The following CTBP2 variants were observed in gnomAD, a reference collection of about 807,000 sequenced individuals.
CTBP2 encodes the protein C-terminal-binding protein 2.
CTBP2 carries 30 observed loss-of-function variants against 80.3 expected under a neutral mutation model. The observed-to-expected ratio is 0.37, with a 90% CI of 0.28 to 0.51. The LOEUF is 0.51. Ranked by LOEUF, CTBP2 falls within the 20% of genes least tolerant of loss-of-function variation. The pLI, the probability that CTBP2 is intolerant of heterozygous loss-of-function variation, is 0.93. For synonymous variants in CTBP2, 594 were observed against 587.4 expected, an observed-to-expected ratio of 1.01 and a Z score of -0.16; for missense variants, 1,212 against 1,375.3, an observed-to-expected ratio of 0.88 and a Z score of 1.88.
intron 2 of CTBP2, among the ~76,000 whole-genome samples, chr10:125,078,296 A>AAC (rs1846609572): frequency 6.6e-6 from 1 of 151,926 alleles, no homozygotes. Flanking sequence ...AAAAAAAAAA[A>AAC]AAAACCTTTC....
chr10:125,032,708 T>A (rs1422204720), upstream of CTBP2: 1 of 154,750 alleles, frequency 6.5e-6, no homozygotes, highest in Non-Finnish European at 1.5e-5. Context: ...ACACCCGGGC[T>A]GTAAATCAAA....
intron 2 of CTBP2, among the ~76,000 whole-genome samples, chr10:125,108,342 G>A (rs1310941667): frequency 1.3e-5 from 2 of 152,172 alleles, no homozygotes; most frequent in African/African-American, 4.8e-5. Flanking sequence ...TACTAAGAGG[G>A]CAAAAACGAT....
Position 124,987,116 on chromosome 10 carries a change from A to G in CTBP2, c.*2402T>C, listed in dbSNP as rs932940142. The G allele has an allele frequency of 1.3e-5, 2 of 152,638 alleles. No individual in the cohort carries two copies. The highest frequency in any genetic ancestry group is 3.8e-4 in the East Asian group (2 of 5,202). 9.5% of individuals were successfully genotyped at this position (152,638 alleles called of 1,614,324 possible). On this transcript the variant is annotated 3_prime_UTR_variant, in exon 9 of 9. Coordinates refer to ENST00000309035, the MANE Select transcript of CTBP2 (RefSeq NM_022802.3). The stretch of plus-strand genomic sequence containing the variant: ...AAATGGTTTTCATAGACTGGCTGTT[A>G]AAGGCCAAAAATTTTGGTAAATCAA...
At chr10:125,098,708 C>A (rs1152681) in intron 2 of CTBP2, among the ~76,000 whole-genome samples, 3 of 65,698 alleles carry the variant, frequency 4.6e-5, no homozygotes, top group Admixed American at 1.8e-4. Context: ...GAGAGAGAGA[C>A]AGAGAGAGAG....
At chr10:125,049,375 C>T (rs1564799181) in intron 2 of CTBP2, among the ~76,000 whole-genome samples, 3 of 152,216 alleles carry the variant, frequency 2.0e-5, no homozygotes, top group Admixed American at 6.5e-5. Flanking sequence ...CCTGATTTGG[C>T]AGAGGATGCC....
Position 125,003,122 on chromosome 10 carries a change from A to G in CTBP2, c.1834-18T>C. ...TTTAGAACCTGCGTGGGAACAGAGC[A>G]CAGGGTCGGAGCCCCACCCCGTGCA... On this transcript the variant is annotated intron_variant, in intron 2 of 8. Coordinates refer to ENST00000309035, the MANE Select transcript of CTBP2 (RefSeq NM_022802.3). The G allele has an allele frequency of 1.9e-6, 3 of 1,613,602 alleles. No individual in the cohort carries two copies. Among genetic ancestry groups the G allele is most frequent in the Non-Finnish European group, 2.5e-6 (3 of 1,179,912 alleles).
chr10:125,057,523 T>G (rs1305163397), intron 2 of CTBP2, among the ~76,000 whole-genome samples: 1 of 152,216 alleles, frequency 6.6e-6, no homozygotes, highest in Non-Finnish European at 1.5e-5. Context: ...TCCCCCCGAC[T>G]GAGTCTTTTG....
chr10:125,030,024 C>G (rs1161690597), upstream of CTBP2, among the ~76,000 whole-genome samples: 1 of 152,076 alleles, frequency 6.6e-6, no homozygotes, highest in Admixed American at 6.6e-5. Flanking sequence ...GCTTGGAAAC[C>G]ACCCAAACTC....
chr10:125,098,776 GAGAC>G (rs1850150176), intron 2 of CTBP2, among the ~76,000 whole-genome samples: 4 of 146,130 alleles, frequency 2.7e-5, no homozygotes, highest in African/African-American at 7.7e-5. Context: ...GAGAGAGAGA[GAGAC>G]AGAGAGAGAG....
intron 2 of CTBP2, among the ~76,000 whole-genome samples, chr10:125,059,477 G>C (rs1173037205): frequency 1.3e-5 from 2 of 152,112 alleles, no homozygotes; most frequent in Non-Finnish European, 2.9e-5. Context: ...AGCTACTCGG[G>C]AGGCTGAAGC....
At chr10:125,107,863 TACC>T (rs1388140141) in intron 2 of CTBP2, among the ~76,000 whole-genome samples, 8 of 152,254 alleles carry the variant, frequency 5.3e-5, no homozygotes, top group Non-Finnish European at 1.2e-4. Flanking sequence ...GCAACTATTC[TACC>T]ACCATTTTAC....
intron 2 of CTBP2, among the ~76,000 whole-genome samples, chr10:125,059,270 C>T (rs751056354): frequency 2.0e-5 from 3 of 152,118 alleles, no homozygotes; most frequent in Non-Finnish European, 2.9e-5. Context: ...GTAAGACATA[C>T]GCAATTTCAC....
At chr10:124,992,955 A>T (rs1952901300) in intron 7 of CTBP2, 143 bp from the exon 10 acceptor site, 4 of 833,110 alleles carry the variant, frequency 4.8e-6, no homozygotes, top group Non-Finnish European at 7.4e-6. Context: ...GAGCTCTTCA[A>T]CACTGACCTT....
At chr10:125,058,747 A>T (rs1200291530) in intron 2 of CTBP2, among the ~76,000 whole-genome samples, 2 of 152,154 alleles carry the variant, frequency 1.3e-5, no homozygotes, top group Non-Finnish European at 2.9e-5. Flanking sequence ...TACAAAAATT[A>T]GCCAGGTGTG....
intron 1 of CTBP2, among the ~76,000 whole-genome samples, chr10:125,111,731 C>T (rs985757933): frequency 6.6e-6 from 1 of 152,190 alleles, no homozygotes; most frequent in African/African-American, 2.4e-5. Context: ...CTACATGGAA[C>T]AGAGAAGGAA....
chr10:125,153,786 G>A (rs1860437069), intron 1 of CTBP2, among the ~76,000 whole-genome samples: 1 of 152,180 alleles, frequency 6.6e-6, no homozygotes, highest in Non-Finnish European at 1.5e-5. Flanking sequence ...TAGGTCTTCG[G>A]TTCCTTCCAG....
At chr10:125,105,126 C>T (rs1379931471) in intron 2 of CTBP2, among the ~76,000 whole-genome samples, 2 of 152,058 alleles carry the variant, frequency 1.3e-5, no homozygotes, top group South Asian at 2.1e-4. Context: ...CAGGCATAGG[C>T]AGGCGCCGCC....
At chr10:125,138,318 C>G (rs1217795352) in intron 1 of CTBP2, 1 of 152,238 alleles carries the variant, frequency 6.6e-6, no homozygotes, top group Non-Finnish European at 1.5e-5. Flanking sequence ...TGATTCGAGA[C>G]TATCCCAAGC....
Position 125,125,128 on chromosome 10 carries a change from T to TC in CTBP2, c.-205-14036dup, listed in dbSNP as rs1855010576. Among the ~76,000 whole-genome samples, 3 of 152,194 alleles carry TC rather than the reference T, an allele frequency of 2.0e-5. No homozygotes were observed. In the South Asian group the frequency reaches 6.2e-4, roughly 32 times the overall value. On this transcript the variant is annotated intron_variant, in intron 1 of 10. Transcript: ENST00000337195. ...GACAGAGGTATCCTCTCATGATTCT[T>TC]CCAGTTTTCTTCCCAGATGGCTTGC... is the stretch of plus-strand genomic sequence containing the variant.
Sources: allele counts gnomAD v4.1 joint callset (sites outside exome capture counted in the v4.1 genomes callset), GRCh38; gene constraint gnomAD v4.1.1; transcripts MANE v1.5; gene names NCBI Gene and HGNC (gene_info 2026-07-23, HGNC 2026-07-21).